Variants in CDH2 observed in about 807,000 individuals in gnomAD.
The protein encoded by CDH2 is cadherin-2.
CDH2 carries 17 observed loss-of-function variants against 92.0 expected under a neutral mutation model. The observed-to-expected ratio is 0.18, with a 90% CI of 0.13 to 0.28. The LOEUF is 0.28. Ranked by LOEUF, CDH2 falls within the 10% of genes least tolerant of loss-of-function variation. The probability of loss-of-function intolerance (pLI) is 1.00; values close to 1 mark genes in which losing one functional copy is unlikely to be tolerated. For missense variants in CDH2, 862 were observed against 1,133.1 expected (o/e 0.76, Z 3.44); for synonymous variants, 419 against 415.9 (o/e 1.01, Z -0.09).
chr18:28,148,420 C>G (rs1265362196), intron 1 of CDH2, among the ~76,000 whole-genome samples: 2 of 152,148 alleles, frequency 1.3e-5, no homozygotes, highest in Non-Finnish European at 2.9e-5. Context: ...AACCAAGTAT[C>G]TGTCATTTTC....
intron 2 of CDH2, among the ~76,000 whole-genome samples, chr18:28,120,766 T>C (rs562835559): frequency 1.3e-5 from 2 of 152,198 alleles, no homozygotes; most frequent in African/African-American, 4.8e-5. Context: ...AAGAACAGTA[T>C]TGAAGAAACA....
chr18:27,985,675 C>G lies in CDH2; in HGVS notation c.1828G>C (p.Ala610Pro). 6.2e-7 allele frequency: 1 copy of G among 1,613,852 alleles called. No individual in the cohort carries two copies. The highest frequency in any genetic ancestry group is 8.5e-7 in the Non-Finnish European group (1 of 1,179,808). ...GGGTCTGGAGTTTCGCAAGTCTCTG[C>G]CTCTTGAGGTAACACTTGAGGGGCA... is the stretch of plus-strand genomic sequence containing the variant. Reference protein sequence around the residue: ...DNAPQVLPQEAETCETPDPNS... With the variant: ...DNAPQVLPQEPETCETPDPNS... The change falls in exon 12 of 16, where the codon GCA becomes CCA. Residue 610 changes from alanine to proline, a missense_variant. By Grantham distance (27) the Ala-to-Pro change is conservative (BLOSUM62 -1). Around this residue, in one of 5 missense-constraint regions of CDH2, gnomAD observed 564 missense variants for 722.2 expected, o/e 0.78. Coordinates refer to ENST00000269141, the MANE Select transcript of CDH2 (RefSeq NM_001792.5).
intron 2 of CDH2, among the ~76,000 whole-genome samples, chr18:28,039,325 C>CAGG (rs2013902354): frequency 6.6e-6 from 1 of 152,094 alleles, no homozygotes; most frequent in African/African-American, 2.4e-5. Flanking sequence ...GGGTGCTACA[C>CAGG]AGGAACTCTG....
At chr18:28,161,264 C>G (rs2016302397) in intron 1 of CDH2, among the ~76,000 whole-genome samples, 1 of 152,000 alleles carries the variant, frequency 6.6e-6, no homozygotes, top group South Asian at 2.1e-4. Flanking sequence ...CTGTGGTCAT[C>G]ATTTGGTTTG....
At chr18:28,014,058 T>G (rs2013175780) in intron 2 of CDH2, 149 bp from the exon 3 acceptor site, 1 of 623,716 alleles carries the variant, frequency 1.6e-6, no homozygotes, top group African/African-American at 1.8e-5. Context: ...TTTTATTATA[T>G]CAAAAGCATT....
chr18:28,071,121 GTC>G (rs1364601802), intron 2 of CDH2, among the ~76,000 whole-genome samples: 1 of 151,906 alleles, frequency 6.6e-6, no homozygotes, highest in Non-Finnish European at 1.5e-5. Flanking sequence ...TTGGGGCAGG[GTC>G]TTAGCTTTTC....
At chr18:28,170,593 C>A (rs1451035375) in intron 1 of CDH2, among the ~76,000 whole-genome samples, 1 of 152,124 alleles carries the variant, frequency 6.6e-6, no homozygotes, top group Non-Finnish European at 1.5e-5. Context: ...GATCCACCTG[C>A]CTTGGCCTCC....
intron 2 of CDH2, among the ~76,000 whole-genome samples, chr18:28,119,789 C>T (rs928013043): frequency 6.6e-6 from 1 of 152,054 alleles, no homozygotes; most frequent in Non-Finnish European, 1.5e-5. Flanking sequence ...TTTTAAGAAA[C>T]CTCTGACCAA....
intron 2 of CDH2, among the ~76,000 whole-genome samples, chr18:28,031,129 T>C (rs1156581841): frequency 6.6e-6 from 1 of 151,376 alleles, no homozygotes; most frequent in Non-Finnish European, 1.5e-5. Flanking sequence ...CACTTGGAAA[T>C]CTAATAAGCA....
At chr18:28,149,595 T>C (rs1951650148) in intron 1 of CDH2, among the ~76,000 whole-genome samples, 1 of 152,128 alleles carries the variant, frequency 6.6e-6, no homozygotes, top group Non-Finnish European at 1.5e-5. Flanking sequence ...TCCGCTTATA[T>C]AAAATTTAAA....
chr18:27,998,041 C>T (rs17522436), intron 7 of CDH2, among the ~76,000 whole-genome samples: 7,079 of 152,122 alleles, frequency 0.047, 323 homozygotes, highest in African/African-American at 0.12. Flanking sequence ...CTCCTGACCT[C>T]GTGATCCGCC....
chr18:28,115,608 G>A (rs929299532), intron 2 of CDH2, among the ~76,000 whole-genome samples: 1 of 152,116 alleles, frequency 6.6e-6, no homozygotes, highest in Non-Finnish European at 1.5e-5. Context: ...GATGGCTGCG[G>A]CCCTCATCCA....
rs1259174540 is a variant in CDH2, at chr18:28,118,365, T to G, written c.172+29308A>C. ...CTCCATCTTCTATTATGTATGACTT[T>G]TAGTAACATCAATATTGATCCTCAC... On this transcript the variant is annotated intron_variant, in intron 2 of 15. Transcript: ENST00000269141. 5.3e-5 allele frequency among the ~76,000 whole-genome samples: 8 copies of G among 152,236 alleles called. No individual in the cohort carries two copies. The South Asian group carries it at 8.3e-4, about 16-fold the overall frequency.
chr18:28,034,094 G>A (rs2013766306), intron 2 of CDH2, among the ~76,000 whole-genome samples: 1 of 151,866 alleles, frequency 6.6e-6, no homozygotes, highest in African/African-American at 2.4e-5. Flanking sequence ...AAAATAAAAA[G>A]AGCAATGAAC....
At chr18:27,980,807 A>C (rs1447596093) in intron 14 of CDH2, among the ~76,000 whole-genome samples, 1 of 151,860 alleles carries the variant, frequency 6.6e-6, no homozygotes, top group Non-Finnish European at 1.5e-5. Flanking sequence ...AAAAAAAAAA[A>C]AAAAAACCCC....
intron 2 of CDH2, among the ~76,000 whole-genome samples, chr18:28,081,066 C>T (rs572335943): frequency 6.6e-6 from 1 of 152,106 alleles, no homozygotes; most frequent in South Asian, 2.1e-4. Context: ...AGAAGAGGCA[C>T]CTGTGAGGCT....
At chr18:27,937,169 C>T (rs1409864959) in intron 6 of CDH2, among the ~76,000 whole-genome samples, 1 of 151,894 alleles carries the variant, frequency 6.6e-6, no homozygotes, top group Non-Finnish European at 1.5e-5. Flanking sequence ...GAAATTTTAC[C>T]AAAACATGCA....
chr18:28,118,590 AGTGT>A lies in CDH2; in HGVS notation c.172+29079_172+29082del, dbSNP rs57324446. Reference sequence around the variant, plus strand: ...ATTAGTCTGTTTTTAAATTTAGTTCAGTGTGTGTGTGTGTGTGTGTGTGCGCTGA... The same window carrying A: ...ATTAGTCTGTTTTTAAATTTAGTTCAGTGTGTGTGTGTGTGTGTGCGCTGA... On this transcript the variant is annotated intron_variant, in intron 2 of 15. Coordinates refer to ENST00000269141, the MANE Select transcript of CDH2 (RefSeq NM_001792.5). 1.5e-3 allele frequency among the ~76,000 whole-genome samples: 225 copies of A among 148,436 alleles called. 1 individual carries two copies. Among genetic ancestry groups the A allele is most frequent in the African/African-American group, 5.1e-3 (208 of 40,662 alleles).
At chr18:28,133,962 C>A (rs183368906) in intron 2 of CDH2, among the ~76,000 whole-genome samples, 394 of 152,040 alleles carry the variant, frequency 2.6e-3, no homozygotes, top group African/African-American at 9.2e-3. Flanking sequence ...AGTTTGAGAC[C>A]AGCCTGGGCA....
Sources: gnomAD v4.1 joint callset for allele counts (sites outside exome capture counted in the v4.1 genomes callset) on GRCh38, gnomAD v4.1.1 for gene constraint, gnomAD v4.1.1 regional missense constraint, MANE v1.5 for transcripts, NCBI Gene and HGNC (gene_info 2026-07-23, HGNC 2026-07-21) for gene names.